VWC2: variants seen among roughly 807,000 people sequenced by gnomAD.
VWC2 encodes the protein von Willebrand factor C domain containing 2.
Under a neutral mutation model 29.8 loss-of-function variants are expected in VWC2, and 14 were observed. The ratio of observed to expected loss-of-function variants is 0.47; its 90% CI spans 0.31 to 0.74. The LOEUF is 0.74. Among genes scored for constraint, VWC2 ranks in the 30% least tolerant of loss-of-function variants. The pLI is 0.05. For synonymous variants in VWC2, 213 were observed against 199.0 expected (o/e 1.07, Z -0.59); for missense variants, 457 against 459.8 (o/e 0.99, Z 0.05).
chr7:49,879,535 A>G (rs112897527), intron 3 of VWC2, among the ~76,000 whole-genome samples: 3 of 152,118 alleles, frequency 2.0e-5, no homozygotes, highest in African/African-American at 7.2e-5. Flanking sequence ...GCGTTAGTCC[A>G]TGGTAGGGCC....
At position 49,808,162 on chromosome 7, in the gene VWC2, C is replaced by T. The variant is rs569376201; in HGVS notation, c.826+5322C>T. ...TCTGCTGGAATTAAATTAGTATTAACCTGACATAGATTGTGATCACTTAAG... is the reference window on the plus strand; with the variant it reads ...TCTGCTGGAATTAAATTAGTATTAATCTGACATAGATTGTGATCACTTAAG... On this transcript the variant is annotated intron_variant, in intron 3 of 3. Transcript: ENST00000340652. 4.6e-5 allele frequency among the ~76,000 whole-genome samples: 7 copies of T among 152,112 alleles called. No homozygotes were observed. In the South Asian group the frequency reaches 1.5e-3, roughly 32 times the overall value.
At chr7:49,810,726 A>C (rs1788989374) in intron 3 of VWC2, among the ~76,000 whole-genome samples, 2 of 152,190 alleles carry the variant, frequency 1.3e-5, no homozygotes, top group Non-Finnish European at 2.9e-5. Context: ...GCAAATCTTT[A>C]CATATTTATT....
chr7:49,801,895 C>T (rs1477115367), intron 2 of VWC2, among the ~76,000 whole-genome samples: 2 of 152,214 alleles, frequency 1.3e-5, no homozygotes, highest in Non-Finnish European at 2.9e-5. Context: ...GGCCCTTGGC[C>T]CCGCTTGGAT....
intron 3 of VWC2, among the ~76,000 whole-genome samples, chr7:49,862,674 G>A (rs1790703382): frequency 6.6e-6 from 1 of 150,594 alleles, no homozygotes; most frequent in South Asian, 2.1e-4. Context: ...CATTATAATA[G>A]ATCATTGGAT....
In VWC2 at chr7:49,914,216, A is replaced by G. The variant is rs1793604147; in HGVS notation, c.*2031A>G. On this transcript the variant is annotated 3_prime_UTR_variant, in exon 4 of 4. Transcript: ENST00000340652. ...TCTCCATCAGGCATGATGCAGTTAG[A>G]GACTCAGTCCATGCAGCTCAAAGTC... The G allele has an allele frequency of 6.6e-6, 1 of 152,240 alleles. No individual in the cohort carries two copies. The highest frequency in any genetic ancestry group is 2.1e-4 in the South Asian group (1 of 4,830). The allele number at this position is 152,240 out of a possible 1,614,324, so 9.4% of individuals were successfully genotyped here. A position where few individuals can be genotyped will look rare whatever the true frequency, so the allele number is the denominator to read the frequency against.
chr7:49,871,896 T>C (rs1791164744), intron 3 of VWC2, among the ~76,000 whole-genome samples: 1 of 140,538 alleles, frequency 7.1e-6, no homozygotes, highest in African/African-American at 2.7e-5. Context: ...TGTATGTATA[T>C]GTGTGTATAT....
chr7:49,800,358 G>A (rs186857269), intron 2 of VWC2, among the ~76,000 whole-genome samples: 1 of 152,136 alleles, frequency 6.6e-6, no homozygotes, highest in East Asian at 1.9e-4. Flanking sequence ...GGCCCTCCCC[G>A]GCGATATGAC....
Position 49,912,086 on chromosome 7 carries a change from G to C in VWC2, c.879G>C (p.Lys293Asn), listed in dbSNP as rs1327319177. Residue 293 changes from lysine to asparagine, a missense_variant, in exon 4 of 4, where the codon AAG (lysine) becomes AAC (asparagine). Transcript: ENST00000340652. ...TGATCCCTGCTGGCAGAGAAGTGAA[G>C]ACTGACGAGTGCACCATATGCCACT... is the stretch of plus-strand genomic sequence containing the variant. The part of the protein sequence containing the change: ...TAVIPAGREV[K>N]TDECTICHCT... 1 of 1,614,110 alleles carries C rather than the reference G, an allele frequency of 6.2e-7. No homozygotes were observed. Among genetic ancestry groups the C allele is most frequent in the African/African-American group, 1.3e-5 (1 of 75,020 alleles).
chr7:49,803,899 T>C (rs1026405651), intron 3 of VWC2, among the ~76,000 whole-genome samples: 1 of 152,162 alleles, frequency 6.6e-6, no homozygotes, highest in Non-Finnish European at 1.5e-5. Context: ...TGTAAAACTC[T>C]TGAGGTAAAT....
intron 3 of VWC2, among the ~76,000 whole-genome samples, chr7:49,869,920 A>C (rs1237123484): frequency 3.9e-5 from 6 of 152,204 alleles, no homozygotes; most frequent in African/African-American, 1.4e-4. Context: ...GTCAAAAGGA[A>C]TGACTACTTG....
intron 3 of VWC2, among the ~76,000 whole-genome samples, chr7:49,810,527 C>G (rs1417828971): frequency 6.6e-6 from 1 of 152,084 alleles, no homozygotes; most frequent in South Asian, 2.1e-4. Context: ...TAGAAATTGA[C>G]AGTCTGATCC....
rs539102590 is a variant in VWC2 at position 49,789,213 on chromosome 7, G to A, written c.696+13082G>A. ...TGCATGTGTGAGTGTGGGTGTGTGT[G>A]TGTGAGTGTGGGAGAGTGTGTGAAA... On this transcript the variant is annotated intron_variant, in intron 2 of 3. Transcript: ENST00000340652. Among the ~76,000 whole-genome samples, 44 of 150,350 alleles carry A rather than the reference G, an allele frequency of 2.9e-4. No homozygotes were observed. The East Asian group carries it at 4.5e-3, about 15-fold the overall frequency.
chr7:49,780,099 A>T (rs1450683522), intron 2 of VWC2, among the ~76,000 whole-genome samples: 1 of 152,236 alleles, frequency 6.6e-6, no homozygotes, highest in Non-Finnish European at 1.5e-5. Flanking sequence ...CTAACGAGGT[A>T]GTAACAGTGG....
intron 3 of VWC2, among the ~76,000 whole-genome samples, chr7:49,861,360 G>T (rs513838): frequency 0.069 from 10,522 of 152,140 alleles, 1,205 homozygotes; most frequent in African/African-American, 0.24. Flanking sequence ...TGTTGTTGAG[G>T]TTTAAGACTT....
intron 3 of VWC2, among the ~76,000 whole-genome samples, chr7:49,884,103 C>G (rs536353350): frequency 2.1e-4 from 32 of 152,218 alleles, no homozygotes; most frequent in African/African-American, 7.5e-4. Context: ...GCAAACCTGT[C>G]AGGCTGGTAG....
intron 2 of VWC2, among the ~76,000 whole-genome samples, chr7:49,778,861 A>T (rs1788108941): frequency 6.6e-6 from 1 of 152,234 alleles, no homozygotes; most frequent in Non-Finnish European, 1.5e-5. Flanking sequence ...ATTCTGTCTG[A>T]AGTGCTTTGC....
chr7:49,840,070 T>G (rs1264349248), intron 3 of VWC2, among the ~76,000 whole-genome samples: 1 of 152,216 alleles, frequency 6.6e-6, no homozygotes, highest in Non-Finnish European at 1.5e-5. Context: ...TGACCAGGCT[T>G]CCGGAGCAGG....
chr7:49,822,435 T>C (rs1413123555), intron 3 of VWC2, among the ~76,000 whole-genome samples: 1 of 152,074 alleles, frequency 6.6e-6, no homozygotes, highest in African/African-American at 2.4e-5. Context: ...TGGGTTTTTG[T>C]TTTTTGTTTT....
At position 49,830,602 on chromosome 7, in the gene VWC2, T is replaced by C. The variant is rs1410677617; in HGVS notation, c.826+27762T>C. On this transcript the variant is annotated intron_variant, in intron 3 of 3. Transcript: ENST00000340652. The stretch of plus-strand genomic sequence containing the variant: ...GTTACATATGTATACTTGTGCCATG[T>C]TGGTGTGCTGCACCCATTAACTGGT... Among the ~76,000 whole-genome samples, 3 of 152,280 alleles carry C rather than the reference T, an allele frequency of 2.0e-5. No individual in the cohort carries two copies. In the South Asian group the frequency reaches 6.2e-4, roughly 32 times the overall value.
Sources: gnomAD v4.1 joint callset for allele counts (sites outside exome capture counted in the v4.1 genomes callset) on GRCh38, gnomAD v4.1.1 for gene constraint, MANE v1.5 for transcripts, NCBI Gene and HGNC (gene_info 2026-07-23, HGNC 2026-07-21) for gene names.